Variants in NFASC observed in about 807,000 individuals in gnomAD.
NFASC encodes the protein neurofascin homolog.
Under a neutral mutation model 147.5 loss-of-function variants are expected in NFASC, and 43 were observed. That is an observed-to-expected ratio of 0.29 (90% CI 0.23 to 0.38). The LOEUF (loss-of-function observed/expected upper bound fraction) is 0.38, where lower values mean the gene tolerates loss of function less well. NFASC is among the 10% of genes least tolerant of loss of function. The pLI is 1.00. For synonymous variants in NFASC, 622 were observed against 665.5 expected, an observed-to-expected ratio of 0.93 and a Z score of 1.01; for missense variants, 1,320 against 1,689.0, an observed-to-expected ratio of 0.78 and a Z score of 3.83.
chr1:204,894,630 C>G (rs1275659245), intron 1 of NFASC, among the ~76,000 whole-genome samples: 1 of 152,194 alleles, frequency 6.6e-6, no homozygotes, highest in Non-Finnish European at 1.5e-5. Context: ...CTCCTGGCCT[C>G]CCCTTCAGCT....
intron 25 of NFASC, chr1:204,999,010 A>G (rs2095913189): frequency 6.6e-6 from 1 of 152,218 alleles, no homozygotes. Context: ...CTAGGACTTT[A>G]AAAATGAATG....
chr1:204,975,564 C>T lies in NFASC; in HGVS notation c.1706+146C>T. The T allele has an allele frequency of 9.1e-7, 1 of 1,098,930 alleles. No homozygotes were observed. The highest frequency in any genetic ancestry group is 1.5e-5 in the South Asian group (1 of 67,054). The allele number at this position is 1,098,930 out of a possible 1,614,324, so 68.1% of individuals were successfully genotyped here. On this transcript the variant is annotated intron_variant, in intron 15 of 29. Transcript: ENST00000339876. The surrounding 1 kb of genome is among the most constrained non-coding windows in gnomAD (Gnocchi z 4.0). ...GAGCTTCTGCAGAGGGGGTGATGGC[C>T]TGGGCAACTCCCCTGCTTCAGGGGA...
chr1:204,988,802 T>C lies in NFASC; in HGVS notation c.2763T>C (p.Asn921=), dbSNP rs2095664175. The change falls in exon 23 of 30, where the codon AAT becomes AAC. Residue 921 remains asparagine, a synonymous_variant. Transcript: ENST00000339876. ...AVTEESPAPP[N]EATPTAAPPT... ...CAGAGGAGTCACCAGCACCCCCGAA[T>C]GAAGGTAGGTGCATGGCAGCAGCCC... 1.9e-5 allele frequency: 30 copies of C among 1,613,906 alleles called. No individual in the cohort carries two copies. The highest frequency in any genetic ancestry group is 2.5e-5 in the Non-Finnish European group (30 of 1,179,900).
At chr1:205,007,856 A>C (rs2150984966) in intron 27 of NFASC, among the ~76,000 whole-genome samples, 1 of 152,254 alleles carries the variant, frequency 6.6e-6, no homozygotes, top group East Asian at 1.9e-4. Context: ...CTTCAATAAC[A>C]ATAAGAAGCT....
intron 1 of NFASC, among the ~76,000 whole-genome samples, chr1:204,862,417 T>C (rs2076756026): frequency 6.6e-6 from 1 of 152,272 alleles, no homozygotes; most frequent in Non-Finnish European, 1.5e-5. Context: ...GAGACAGCAC[T>C]AATTTAAATG....
rs537066452 is a variant in NFASC, at chr1:204,870,642, T to C, written c.-200+41860T>C. On this transcript the variant is annotated intron_variant, in intron 1 of 29. Transcript: ENST00000339876. ...CTTGTGTCATGGGCCACACAACTCTTCCATTATGCATGAGGGAGACCCAGC... is the reference window on the plus strand; with the variant it reads ...CTTGTGTCATGGGCCACACAACTCTCCCATTATGCATGAGGGAGACCCAGC... The C allele has an allele frequency of 2.9e-6, 3 of 1,031,564 alleles. No individual in the cohort carries two copies. The South Asian group carries it at 1.1e-4, about 38-fold the overall frequency. The allele number at this position is 1,031,564 out of a possible 1,614,324, so 63.9% of individuals were successfully genotyped here. A position where few individuals can be genotyped will look rare whatever the true frequency, so the allele number is the denominator to read the frequency against.
intron 1 of NFASC, among the ~76,000 whole-genome samples, chr1:204,883,834 T>C (rs562317433): frequency 1.2e-4 from 19 of 152,192 alleles, no homozygotes; most frequent in Non-Finnish European, 2.6e-4. Context: ...AGCCACACAG[T>C]GACCTCCATG....
At chr1:204,883,872 C>T (rs200425404) in intron 1 of NFASC, among the ~76,000 whole-genome samples, 2 of 152,158 alleles carry the variant, frequency 1.3e-5, no homozygotes, top group African/African-American at 4.8e-5. Context: ...GCCTGAGTCC[C>T]AGAGAGTTAC....
At chr1:204,888,600 C>T (rs986477325) in intron 1 of NFASC, among the ~76,000 whole-genome samples, 1 of 152,192 alleles carries the variant, frequency 6.6e-6, no homozygotes, top group Non-Finnish European at 1.5e-5. Context: ...TTCCATGGCA[C>T]TGAGCACAAG....
rs60582969 is a variant in NFASC at position 204,876,996 on chromosome 1, G to GTATATA, written c.-199-43609_-199-43604dup. On this transcript the variant is annotated intron_variant, in intron 1 of 29. Coordinates refer to ENST00000339876, the MANE Select transcript of NFASC (RefSeq NM_001005388.3). ...TATGCCAAATGAGTTGGCTAAATAT[G>GTATATA]TATATATATATATATATATATATAT... Among the ~76,000 whole-genome samples the GTATATA allele has an allele frequency of 5.5e-3, 414 of 74,642 alleles. 4 individuals carry two copies. The highest frequency in any genetic ancestry group is 6.3e-3 in the Non-Finnish European group (271 of 43,058). 49.0% of individuals were successfully genotyped at this position (74,642 alleles called of 152,430 possible).
chr1:205,016,598 C>T lies in NFASC; in HGVS notation c.*59C>T. 8.1e-7 allele frequency: 1 copy of T among 1,241,820 alleles called. No homozygotes were observed. The highest frequency in any genetic ancestry group is 1.2e-5 in the South Asian group (1 of 82,996). The allele number at this position is 1,241,820 out of a possible 1,614,324, so 76.9% of individuals were successfully genotyped here. On this transcript the variant is annotated 3_prime_UTR_variant, in exon 30 of 30. Transcript: ENST00000339876. This position sits in a 1 kb window ranked among gnomAD's most constrained non-coding sequence, Gnocchi z 5.1. Reference sequence around the variant, plus strand: ...AGTGGGAGGAGGGGAGAAGGGGAGACAAAACCACTGCAGACCTACCACGAA... The same window carrying T: ...AGTGGGAGGAGGGGAGAAGGGGAGATAAAACCACTGCAGACCTACCACGAA...
intron 1 of NFASC, among the ~76,000 whole-genome samples, chr1:204,872,405 A>T (rs2077891220): frequency 6.6e-6 from 1 of 152,200 alleles, no homozygotes; most frequent in African/African-American, 2.4e-5. Flanking sequence ...AGGAGCAGTG[A>T]CTATTTTTAG....
chr1:204,965,372 C>T (rs555719459), intron 8 of NFASC, among the ~76,000 whole-genome samples: 1 of 152,184 alleles, frequency 6.6e-6, no homozygotes, highest in African/African-American at 2.4e-5. Flanking sequence ...TCAAAGCCAC[C>T]AGCTCTAGTA....
At position 204,997,414 on chromosome 1, in the gene NFASC, G is replaced by A. The variant is rs781658696; in HGVS notation, c.3019+8G>A. Reference sequence around the variant, plus strand: ...CTAAGATACACGAATCCGGTACTGCGCATCGCCCATGCTCCCCATCCCCTC... The same window carrying A: ...CTAAGATACACGAATCCGGTACTGCACATCGCCCATGCTCCCCATCCCCTC... On this transcript the variant is annotated splice_region_variant and intron_variant, in intron 25 of 29. Transcript: ENST00000339876. 176 of 1,551,798 alleles carry A rather than the reference G, an allele frequency of 1.1e-4. 1 individual carries two copies. In the South Asian group the frequency reaches 1.2e-3, roughly 10 times the overall value.
intron 1 of NFASC, among the ~76,000 whole-genome samples, chr1:204,915,340 G>T (rs2088935029): frequency 2.0e-5 from 3 of 152,086 alleles, no homozygotes; most frequent in Admixed American, 2.0e-4. Context: ...AATATAGAAA[G>T]ATATCTAAGA....
intron 1 of NFASC, among the ~76,000 whole-genome samples, chr1:204,918,548 T>C (rs1001488051): frequency 6.6e-6 from 1 of 152,060 alleles, no homozygotes; most frequent in Admixed American, 6.6e-5. Flanking sequence ...GTTCATTTGT[T>C]TCATTTTATC....
chr1:204,943,708 C>G (rs1340778947), intron 2 of NFASC, among the ~76,000 whole-genome samples: 1 of 152,212 alleles, frequency 6.6e-6, no homozygotes, highest in African/African-American at 2.4e-5. Flanking sequence ...ATCTCTGTGC[C>G]TCTACCGCAA....
chr1:204,954,826 C>T lies in NFASC; in HGVS notation c.413-3C>T. ...TTTATCCTCTTTGTCCACTTCTCTC[C>T]AGAATCTCCTCTGTGGCCCAAGGAA... On this transcript the variant is annotated splice_polypyrimidine_tract_variant and splice_region_variant and intron_variant, in intron 6 of 29. Transcript: ENST00000339876. The surrounding 1 kb of genome is among the most constrained non-coding windows in gnomAD (Gnocchi z 5.7). 1.2e-6 allele frequency: 2 copies of T among 1,614,102 alleles called. No individual in the cohort carries two copies. The highest frequency in any genetic ancestry group is 1.7e-6 in the Non-Finnish European group (2 of 1,179,980).
intron 8 of NFASC, among the ~76,000 whole-genome samples, chr1:204,963,359 G>C (rs538568628): frequency 5.9e-5 from 9 of 152,214 alleles, no homozygotes; most frequent in Non-Finnish European, 1.0e-4. Flanking sequence ...AATGGGCCTT[G>C]TTCTAAATCG....
Sources: allele counts gnomAD v4.1 joint callset (sites outside exome capture counted in the v4.1 genomes callset), GRCh38; gene constraint gnomAD v4.1.1; non-coding constraint Gnocchi (gnomAD v3.1); transcripts MANE v1.5; gene names NCBI Gene and HGNC (gene_info 2026-07-23, HGNC 2026-07-21).